CYP24A1: variants seen among roughly 807,000 people sequenced by gnomAD.
CYP24A1 encodes cytochrome P450 family 24 subfamily A member 1.
A neutral mutation model predicts 62.4 loss-of-function variants in CYP24A1; 68 were observed. That is an observed-to-expected ratio of 1.09 (90% CI 0.90 to 1.33). The LOEUF is 1.33. Ranked by LOEUF, CYP24A1 falls within the 40% of genes most tolerant of loss-of-function variation. The pLI, the probability that CYP24A1 is intolerant of heterozygous loss-of-function variation, is 0.00. For synonymous variants in CYP24A1, 267 were observed against 253.0 expected (o/e 1.06, Z -0.52); for missense variants, 787 against 653.0 (o/e 1.21, Z -2.24).
Position 54,173,225 on chromosome 20 carries a change from A to G in CYP24A1, c.258+97T>C, listed in dbSNP as rs534747314. 72 of 1,509,098 alleles carry G rather than the reference A, an allele frequency of 4.8e-5. No homozygotes were observed. In the African/African-American group the frequency reaches 7.5e-4, roughly 16 times the overall value. The allele number at this position is 1,509,098 out of a possible 1,614,324, so 93.5% of individuals were successfully genotyped here. A position where few individuals can be genotyped will look rare whatever the true frequency, so the allele number is the denominator to read the frequency against. On this transcript the variant is annotated intron_variant, in intron 1 of 11. Coordinates refer to ENST00000216862, the MANE Select transcript of CYP24A1 (RefSeq NM_000782.5). The surrounding 1 kb of genome is among the most constrained non-coding windows in gnomAD (Gnocchi z 7.2). ...CCTCCCTGCCCAGACGCCGAAGCGC[A>G]CCATGCGCCCGAGGCGCGCATGTCG...
intron 8 of CYP24A1, among the ~76,000 whole-genome samples, chr20:54,158,408 G>A (rs2092637531): frequency 6.6e-6 from 1 of 152,102 alleles, no homozygotes; most frequent in South Asian, 2.1e-4. Flanking sequence ...GTTAACGTTG[G>A]TTTTCCCCCT....
At chr20:54,152,052 C>T (rs1429690869), downstream of CYP24A1, among the ~76,000 whole-genome samples, 1 of 152,156 alleles carries the variant, frequency 6.6e-6, no homozygotes, top group Non-Finnish European at 1.5e-5. Flanking sequence ...GCAACCTGCT[C>T]AGGGAGGTGA....
At chr20:54,145,410 C>A in the CYP24A1 span, among the ~76,000 whole-genome samples, 1 of 151,948 alleles carries the variant, frequency 6.6e-6, no homozygotes, top group South Asian at 2.1e-4. Context: ...CTCTATAAGG[C>A]GGGCAGATCA....
rs773353239 is a variant in CYP24A1, at chr20:54,162,711, C to T, written c.990+6G>A. On this transcript the variant is annotated splice_donor_region_variant and intron_variant, in intron 7 of 11. Coordinates refer to ENST00000216862, the MANE Select transcript of CYP24A1 (RefSeq NM_000782.5). ...TTTAGCAAACTCAAATCCAGCCCAC[C>T]CTTACCGTTTCCACCGCAGCCAGCT... 1 of 1,585,622 alleles carries T rather than the reference C, an allele frequency of 6.3e-7. No homozygotes were observed. Among genetic ancestry groups the T allele is most frequent in the South Asian group, 1.1e-5 (1 of 90,406 alleles).
chr20:54,172,790 C>A, intron 2 of CYP24A1, 119 bp downstream of exon 2: 1 of 1,562,996 alleles, frequency 6.4e-7, no homozygotes, highest in Non-Finnish European at 8.6e-7. Flanking sequence ...CTTTGGTATC[C>A]GCCCTACGTA....
rs2274131 is a variant in CYP24A1, at chr20:54,158,344, C to T, written c.1158-180G>A. On this transcript the variant is annotated intron_variant, in intron 8 of 11. Transcript: ENST00000216862. ...CTTCTCAATAATTGTATCTCTTGTT[C>T]CTCTCATCTTCTTGAGTTAGTTAAA... Among the ~76,000 whole-genome samples, 26,276 of 152,126 alleles carry T rather than the reference C, an allele frequency of 0.17. 2,915 individuals carry two copies. Among genetic ancestry groups the T allele is most frequent in the East Asian group, 0.3 (1,572 of 5,178 alleles).
At chr20:54,164,097 A>G (rs1241273145) in intron 6 of CYP24A1, among the ~76,000 whole-genome samples, 1 of 152,004 alleles carries the variant, frequency 6.6e-6, no homozygotes, top group African/African-American at 2.4e-5. Flanking sequence ...CACCACGCCC[A>G]GCTAATTTTT....
In CYP24A1 at chr20:54,173,229, T is replaced by C. The variant is rs1601151427; in HGVS notation, c.258+93A>G. ...CCTGCCCAGACGCCGAAGCGCACCA[T>C]GCGCCCGAGGCGCGCATGTCGGGGA... On this transcript the variant is annotated intron_variant, in intron 1 of 11. Coordinates refer to ENST00000216862, the MANE Select transcript of CYP24A1 (RefSeq NM_000782.5). The surrounding 1 kb of genome is among the most constrained non-coding windows in gnomAD (Gnocchi z 7.2). The C allele has an allele frequency of 2.6e-6, 4 of 1,516,230 alleles. No individual in the cohort carries two copies. The highest frequency in any genetic ancestry group is 2.3e-5 in the East Asian group (1 of 43,842). 93.9% of individuals were successfully genotyped at this position (1,516,230 alleles called of 1,614,324 possible). A position where few individuals can be genotyped will look rare whatever the true frequency, so the allele number is the denominator to read the frequency against.
In CYP24A1 at chr20:54,173,583, A is replaced by C. The variant is rs770011831; in HGVS notation, c.-4T>G. On this transcript the variant is annotated 5_prime_UTR_variant, in exon 1 of 12. Coordinates refer to ENST00000216862, the MANE Select transcript of CYP24A1 (RefSeq NM_000782.5). This position sits in a 1 kb window ranked among gnomAD's most constrained non-coding sequence, Gnocchi z 7.2. ...TCTTGCTGATGGGGGAGCTCATGGC[A>C]GCGGGGGACACCGGAGCGCGGGAAG... is the stretch of plus-strand genomic sequence containing the variant. 2 of 1,571,174 alleles carry C rather than the reference A, an allele frequency of 1.3e-6. No homozygotes were observed. The highest frequency in any genetic ancestry group is 8.6e-7 in the Non-Finnish European group (1 of 1,163,516).
intron 7 of CYP24A1, among the ~76,000 whole-genome samples, chr20:54,162,220 C>CTTTTGTTTTTTTTTTTTTTTTTTTTTT (rs1568968780): frequency 1.4e-5 from 1 of 72,534 alleles, no homozygotes; most frequent in Non-Finnish European, 2.4e-5. Context: ...GAGAGTATGC[C>CTTTTGTTTTTTTTTTTTTTTTTTTTTT]TTTTTTTTTT....
the CYP24A1 span, among the ~76,000 whole-genome samples, chr20:54,143,740 T>A: frequency 6.6e-6 from 1 of 151,080 alleles, no homozygotes. Flanking sequence ...AAAATAGAAA[T>A]CAAAGCATCA....
At chr20:54,171,373 CT>C (rs1365221649) in intron 3 of CYP24A1, among the ~76,000 whole-genome samples, 2 of 152,058 alleles carry the variant, frequency 1.3e-5, no homozygotes, top group African/African-American at 2.4e-5. Context: ...TGTGATATGA[CT>C]TTAAAAGAGG....
At chr20:54,160,712 A>G (rs934884721) in intron 7 of CYP24A1, among the ~76,000 whole-genome samples, 1 of 152,226 alleles carries the variant, frequency 6.6e-6, no homozygotes, top group Admixed American at 6.5e-5. Context: ...AATAGCCAGG[A>G]CCAAAAAAGA....
Position 54,157,523 on chromosome 20 carries a change from A to G in CYP24A1, c.1299T>C (p.Ser433=). The G allele has an allele frequency of 6.2e-7, 1 of 1,603,876 alleles. No individual in the cohort carries two copies. The highest frequency in any genetic ancestry group is 8.5e-7 in the Non-Finnish European group (1 of 1,170,648). ...GAAGCCAACGTTCAGGTCTAAACTGACTTGAATCTTCAAAATTGTCTTCAC... is the reference window on the plus strand; with the variant it reads ...GAAGCCAACGTTCAGGTCTAAACTGGCTTGAATCTTCAAAATTGTCTTCAC... ...GSSEDNFEDS[S]QFRPERWLQE... The change falls in exon 10 of 12, where the codon AGT becomes AGC. Residue 433 remains serine, a synonymous_variant. Transcript: ENST00000216862.
At chr20:54,169,490 G>GA (rs1390685983) in intron 4 of CYP24A1, 102 bp downstream of exon 4, 1 of 1,585,676 alleles carries the variant, frequency 6.3e-7, no homozygotes, top group East Asian at 2.3e-5. Flanking sequence ...CCTTTCCCTA[G>GA]GCAGCAATAA....
chr20:54,162,995 C>T (rs1412315523), intron 6 of CYP24A1, 133 bp from the exon 7 acceptor site: 2 of 716,846 alleles, frequency 2.8e-6, no homozygotes, highest in Non-Finnish European at 5.1e-6. Context: ...CAATTTGCTA[C>T]ACACACTAAT....
intron 7 of CYP24A1, among the ~76,000 whole-genome samples, chr20:54,160,378 T>C (rs751087): frequency 0.29 from 44,090 of 152,208 alleles, 7,282 homozygotes; most frequent in East Asian, 0.61. Context: ...GGCCGTACTT[T>C]GCTAATTTAA....
Position 54,172,947 on chromosome 20 carries a change from A to G in CYP24A1, c.411T>C (p.Tyr137=), listed in dbSNP as rs780430506. ...QRLEIKPWKA[Y]RDYRKEGYGL... ...CGTAGCCTTCTTTGCGGTAGTCGCG[A>G]TAGGCCTTCCACGGTTTGATCTCCA... Residue 137 remains tyrosine, a synonymous_variant, in exon 2 of 12, where the codon TAT becomes TAC. Transcript: ENST00000216862. 1 of 1,613,670 alleles carries G rather than the reference A, an allele frequency of 6.2e-7. No homozygotes were observed. The highest frequency in any genetic ancestry group is 1.1e-5 in the South Asian group (1 of 91,076).
chr20:54,157,303 G>C lies in CYP24A1; in HGVS notation c.1435-14C>G. 1.3e-6 allele frequency: 2 copies of C among 1,541,494 alleles called. No homozygotes were observed. The highest frequency in any genetic ancestry group is 1.8e-6 in the Non-Finnish European group (2 of 1,114,022). ...TTTGCGGACAATCTGTAATGCACAC[G>C]CACACAAAAACAGAATTACCCCTCT... On this transcript the variant is annotated splice_polypyrimidine_tract_variant and intron_variant, in intron 10 of 11. Transcript: ENST00000216862.
Sources: allele counts gnomAD v4.1 joint callset (sites outside exome capture counted in the v4.1 genomes callset), GRCh38; gene constraint gnomAD v4.1.1; non-coding constraint Gnocchi (gnomAD v3.1); transcripts MANE v1.5; gene names NCBI Gene and HGNC (gene_info 2026-07-23, HGNC 2026-07-21).